Variants in FAF1 observed in about 807,000 individuals in gnomAD.
The protein encoded by FAF1 is Fas associated factor 1.
Under a neutral mutation model 92.5 loss-of-function variants are expected in FAF1, and 25 were observed. The observed-to-expected ratio is 0.27, with a 90% confidence interval of 0.20 to 0.38. The LOEUF (loss-of-function observed/expected upper bound fraction) is 0.38, where lower values mean the gene tolerates loss of function less well. Ranked by LOEUF, FAF1 falls within the 10% of genes least tolerant of loss-of-function variation. FAF1 has a pLI of 1.00. For missense variants in FAF1, 636 were observed against 793.3 expected, an observed-to-expected ratio of 0.80 and a Z score of 2.38; for synonymous variants, 234 against 273.2, an observed-to-expected ratio of 0.86 and a Z score of 1.42.
At chr1:50,512,088 C>T (rs1283597764) in intron 15 of FAF1, among the ~76,000 whole-genome samples, 3 of 151,660 alleles carry the variant, frequency 2.0e-5, no homozygotes, top group African/African-American at 4.8e-5. Flanking sequence ...TTTGATGGGG[C>T]TGTTTTTTTC....
At chr1:50,526,054 T>C (rs1647777199) in intron 15 of FAF1, among the ~76,000 whole-genome samples, 1 of 152,224 alleles carries the variant, frequency 6.6e-6, no homozygotes, top group African/African-American at 2.4e-5. Context: ...ATAATACTAA[T>C]GATAGTTTCT....
chr1:50,812,480 A>G (rs541696419), intron 2 of FAF1, among the ~76,000 whole-genome samples: 5 of 152,360 alleles, frequency 3.3e-5, no homozygotes, highest in African/African-American at 1.2e-4. Flanking sequence ...AAAATGCTCA[A>G]TATCACTAAT....
intron 17 of FAF1, among the ~76,000 whole-genome samples, chr1:50,481,870 C>T (rs114925906): frequency 0.013 from 1,997 of 152,070 alleles, 42 homozygotes; most frequent in African/African-American, 0.044. Context: ...AATAGCAAGG[C>T]AGCCAATGTG....
intron 1 of FAF1, among the ~76,000 whole-genome samples, chr1:50,929,205 T>C (rs752043379): frequency 2.6e-5 from 4 of 152,110 alleles, no homozygotes; most frequent in East Asian, 1.9e-4. Flanking sequence ...TCAAAGTATA[T>C]CCCACAATAT....
Position 50,959,983 on chromosome 1 carries a change from T to C in FAF1, c.-172A>G. ...GCGGGCGGGGCAGCGCGGGAAGCGC[T>C]AGGCGCTCATGCACTCGGTAACCTT... On this transcript the variant is annotated 5_prime_UTR_variant, in exon 1 of 19. It removes the in-frame stop codon of an upstream open reading frame in the 5' UTR. Transcript: ENST00000396153. The C allele has an allele frequency of 2.5e-6, 1 of 392,696 alleles. No individual in the cohort carries two copies. The highest frequency in any genetic ancestry group is 4.5e-5 in the Admixed American group (1 of 21,986). The allele number at this position is 392,696 out of a possible 1,614,324, so 24.3% of individuals were successfully genotyped here.
chr1:50,735,442 C>T (rs1659097650), intron 6 of FAF1, among the ~76,000 whole-genome samples: 2 of 152,146 alleles, frequency 1.3e-5, no homozygotes, highest in Admixed American at 1.3e-4. Context: ...ACATAATTTA[C>T]TTTAAAAACA....
chr1:50,788,273 C>A (rs1431936809), intron 3 of FAF1, 68 bp from the exon 4 acceptor site: 8 of 1,344,580 alleles, frequency 5.9e-6, no homozygotes, highest in Non-Finnish European at 8.5e-6. Context: ...TAGGGACCCT[C>A]TCCATACTTG....
Position 50,788,174 on chromosome 1 carries a change from C to G in FAF1, c.193G>C (p.Ala65Pro). The change falls in exon 4 of 19, where the codon GCA (alanine) becomes CCA (proline). Residue 65 changes from alanine to proline, a missense_variant. Ala to Pro is a conservative substitution (Grantham distance 27). Coordinates refer to ENST00000396153, the MANE Select transcript of FAF1 (RefSeq NM_007051.3). ...GCTGGATGACTTGCTGGATTAAATG[C>G]AGGTCCTGGTATGGTCTCACCTCCA... ...EYGGETIPGP[A>P]FNPASHPASA... The G allele has an allele frequency of 6.2e-7, 1 of 1,614,094 alleles. No individual in the cohort carries two copies.
At chr1:50,597,032 T>C (rs1285886243) in intron 8 of FAF1, among the ~76,000 whole-genome samples, 1 of 152,120 alleles carries the variant, frequency 6.6e-6, no homozygotes, top group Non-Finnish European at 1.5e-5. Flanking sequence ...AAATTACAAC[T>C]GTCCTTAATG....
At chr1:50,708,326 G>A (rs945380460) in intron 6 of FAF1, among the ~76,000 whole-genome samples, 1 of 152,172 alleles carries the variant, frequency 6.6e-6, no homozygotes, top group African/African-American at 2.4e-5. Flanking sequence ...AGAGGTGGAA[G>A]TCAGACCACT....
chr1:50,466,081 G>A (rs1445072664), intron 18 of FAF1, among the ~76,000 whole-genome samples: 2 of 152,124 alleles, frequency 1.3e-5, no homozygotes, highest in African/African-American at 2.4e-5. Context: ...AAGATTGAAG[G>A]GGATCACAGA....
chr1:50,915,612 G>A lies in FAF1; in HGVS notation c.45+44155C>T, dbSNP rs553954618. Among the ~76,000 whole-genome samples the A allele has an allele frequency of 6.6e-5, 10 of 152,090 alleles. No homozygotes were observed. The South Asian group carries it at 1.2e-3, about 19-fold the overall frequency. The stretch of plus-strand genomic sequence containing the variant: ...CTCAGGAGGCAGAGGTAAGGCAGGG[G>A]GCTGAAAATAGGAGATTTTTTTTTT... On this transcript the variant is annotated intron_variant, in intron 1 of 18. Coordinates refer to ENST00000396153, the MANE Select transcript of FAF1 (RefSeq NM_007051.3).
At chr1:50,908,929 G>C (rs924998882) in intron 1 of FAF1, among the ~76,000 whole-genome samples, 2 of 152,152 alleles carry the variant, frequency 1.3e-5, no homozygotes, top group Admixed American at 1.3e-4. Context: ...GATGTTAGCT[G>C]GTTACTTTCC....
chr1:50,738,974 GCA>G lies in FAF1; in HGVS notation c.460-22_460-21del. 1.4e-6 allele frequency: 2 copies of G among 1,419,408 alleles called. No homozygotes were observed. Among genetic ancestry groups the G allele is most frequent in the Non-Finnish European group, 2.0e-6 (2 of 1,022,102 alleles). The allele number at this position is 1,419,408 out of a possible 1,614,324, so 87.9% of individuals were successfully genotyped here. ...GACCGTCTGAAAAAGAAAAAACACAGCAAAAAATGAATGTTGATGTTGATTAT... is the reference window on the plus strand; with the variant it reads ...GACCGTCTGAAAAAGAAAAAACACAGAAAAATGAATGTTGATGTTGATTAT... On this transcript the variant is annotated intron_variant, in intron 5 of 18. Coordinates refer to ENST00000396153, the MANE Select transcript of FAF1 (RefSeq NM_007051.3).
At chr1:50,596,552 T>G (rs765680538) in intron 8 of FAF1, among the ~76,000 whole-genome samples, 6 of 152,158 alleles carry the variant, frequency 3.9e-5, no homozygotes, top group Non-Finnish European at 8.8e-5. Flanking sequence ...TAATACCTCA[T>G]TTTCCTAACT....
intron 7 of FAF1, among the ~76,000 whole-genome samples, chr1:50,675,197 G>T (rs1410460324): frequency 6.6e-6 from 1 of 152,094 alleles, no homozygotes; most frequent in Non-Finnish European, 1.5e-5. Flanking sequence ...GCCAGACCTT[G>T]TACATTTTCA....
intron 9 of FAF1, among the ~76,000 whole-genome samples, chr1:50,595,874 A>T (rs1651778655): frequency 6.6e-6 from 1 of 152,128 alleles, no homozygotes; most frequent in Non-Finnish European, 1.5e-5. Flanking sequence ...GATGGTTCTA[A>T]GTAAAAATCA....
rs184347975 is a variant in FAF1 at position 50,923,845 on chromosome 1, A to C, written c.45+35922T>G. ...CAGAATCATATTTTCATTTAAATAG[A>C]CATTGAAACAGCATTCAATAAAATT... On this transcript the variant is annotated intron_variant, in intron 1 of 18. Coordinates refer to ENST00000396153, the MANE Select transcript of FAF1 (RefSeq NM_007051.3). 3.7e-3 allele frequency among the ~76,000 whole-genome samples: 557 copies of C among 152,338 alleles called. 3 individuals carry two copies. The highest frequency in any genetic ancestry group is 5.5e-3 in the Admixed American group (84 of 15,302).
At chr1:50,686,580 G>T in intron 7 of FAF1, among the ~76,000 whole-genome samples, 1 of 142,178 alleles carries the variant, frequency 7.0e-6, no homozygotes, top group Admixed American at 7.1e-5. Flanking sequence ...AGGAGGGAAG[G>T]GGAGAGGAGG....
Sources: allele counts gnomAD v4.1 joint callset (sites outside exome capture counted in the v4.1 genomes callset), GRCh38; gene constraint gnomAD v4.1.1; transcripts MANE v1.5; gene names NCBI Gene and HGNC (gene_info 2026-07-23, HGNC 2026-07-21).